Variants in NRG3 observed in about 807,000 individuals in gnomAD.
NRG3 encodes the protein pro-neuregulin-3, membrane-bound isoform.
A neutral mutation model predicts 66.9 loss-of-function variants in NRG3; 31 were observed. The ratio of observed to expected loss-of-function variants is 0.46; its 90% CI spans 0.35 to 0.63. The LOEUF (loss-of-function observed/expected upper bound fraction) is 0.63, where lower values mean the gene tolerates loss of function less well. NRG3 is among the 20% of genes least tolerant of loss of function. The probability of loss-of-function intolerance (pLI) is 0.00; values close to 1 mark genes in which losing one functional copy is unlikely to be tolerated. For missense variants in NRG3, 910 were observed against 878.9 expected, an observed-to-expected ratio of 1.04 and a Z score of -0.45; for synonymous variants, 393 against 359.4, an observed-to-expected ratio of 1.09 and a Z score of -1.06.
intron 1 of NRG3, among the ~76,000 whole-genome samples, chr10:82,122,948 C>A (rs559346010): frequency 1.3e-5 from 2 of 152,032 alleles, no homozygotes; most frequent in South Asian, 4.1e-4. Context: ...CTCTGTGTTA[C>A]CTGCTCAGAT....
chr10:82,610,778 G>T (rs1240755028), intron 2 of NRG3, among the ~76,000 whole-genome samples: 4 of 152,150 alleles, frequency 2.6e-5, no homozygotes, highest in African/African-American at 9.7e-5. Flanking sequence ...GTATGACTTT[G>T]ATCTGAATGT....
At chr10:82,100,636 G>T (rs1283151019) in intron 1 of NRG3, among the ~76,000 whole-genome samples, 1 of 151,994 alleles carries the variant, frequency 6.6e-6, no homozygotes, top group East Asian at 1.9e-4. Flanking sequence ...ATATGGTCCT[G>T]ATTTAACTTA....
At chr10:82,970,085 A>G (rs1851587238) in intron 6 of NRG3, among the ~76,000 whole-genome samples, 1 of 151,808 alleles carries the variant, frequency 6.6e-6, no homozygotes. Flanking sequence ...CCGTTTCGTT[A>G]TGGACAATTG....
chr10:82,589,585 C>A (rs1295802949), intron 2 of NRG3, among the ~76,000 whole-genome samples: 5 of 152,060 alleles, frequency 3.3e-5, no homozygotes, highest in African/African-American at 1.2e-4. Context: ...GTTAAGGGAA[C>A]TTTCTACTAA....
At chr10:82,161,156 G>T (rs1293282260) in intron 1 of NRG3, among the ~76,000 whole-genome samples, 1 of 152,036 alleles carries the variant, frequency 6.6e-6, no homozygotes, top group Admixed American at 6.6e-5. Context: ...GAATTCAGGT[G>T]GGGATGTCAA....
At chr10:82,267,639 C>T (rs1036499198) in intron 1 of NRG3, among the ~76,000 whole-genome samples, 5 of 152,184 alleles carry the variant, frequency 3.3e-5, no homozygotes, top group South Asian at 2.1e-4. Context: ...GCTTGTCAAT[C>T]CAGAAATAAA....
At chr10:82,344,348 AT>A (rs1309217658) in intron 1 of NRG3, among the ~76,000 whole-genome samples, 1 of 151,508 alleles carries the variant, frequency 6.6e-6, no homozygotes, top group Non-Finnish European at 1.5e-5. Flanking sequence ...TTTACTGAGA[AT>A]GATGATTTCC....
intron 2 of NRG3, among the ~76,000 whole-genome samples, chr10:82,505,267 C>A (rs75375298): frequency 5.9e-5 from 9 of 152,218 alleles, no homozygotes; most frequent in South Asian, 4.1e-4. Flanking sequence ...TAGCTGTTCA[C>A]TGATGTGCCA....
At chr10:82,045,286 G>T (rs1474972435) in intron 1 of NRG3, among the ~76,000 whole-genome samples, 1 of 33,818 alleles carries the variant, frequency 3.0e-5, no homozygotes, top group African/African-American at 4.7e-5. Flanking sequence ...GTATATCACT[G>T]TGGTTTTGAT....
intron 1 of NRG3, among the ~76,000 whole-genome samples, chr10:82,320,649 C>A (rs902864966): frequency 6.6e-6 from 1 of 152,038 alleles, no homozygotes; most frequent in African/African-American, 2.4e-5. Flanking sequence ...TGTACACTAG[C>A]CAGAAACAGG....
intron 1 of NRG3, among the ~76,000 whole-genome samples, chr10:82,104,225 A>G (rs2066929672): frequency 6.6e-6 from 1 of 152,136 alleles, no homozygotes; most frequent in Non-Finnish European, 1.5e-5. Context: ...GGCTTATAGC[A>G]TTTTGGCCAC....
chr10:82,018,354 G>T (rs1426393332), intron 1 of NRG3, among the ~76,000 whole-genome samples: 1 of 152,270 alleles, frequency 6.6e-6, no homozygotes, highest in Non-Finnish European at 1.5e-5. Flanking sequence ...AGTATAGTTT[G>T]AAGTCAGGTA....
chr10:82,960,611 C>A (rs1371629382), intron 6 of NRG3, among the ~76,000 whole-genome samples: 2 of 152,014 alleles, frequency 1.3e-5, no homozygotes, highest in Non-Finnish European at 2.9e-5. Context: ...TCCAGATGGC[C>A]GGTTCCTGCC....
chr10:82,979,928 A>G (rs1445763327), intron 8 of NRG3, among the ~76,000 whole-genome samples: 1 of 152,144 alleles, frequency 6.6e-6, no homozygotes, highest in Admixed American at 6.6e-5. Context: ...AATAGACCAG[A>G]CGCACTGCCT....
chr10:82,873,733 C>G (rs1841552514), intron 4 of NRG3, among the ~76,000 whole-genome samples: 1 of 152,102 alleles, frequency 6.6e-6, no homozygotes, highest in Admixed American at 6.6e-5. Context: ...AATGTATTAG[C>G]AAGGGACAAG....
intron 1 of NRG3, among the ~76,000 whole-genome samples, chr10:82,327,910 C>A (rs1400777217): frequency 6.6e-6 from 1 of 152,178 alleles, no homozygotes; most frequent in African/African-American, 2.4e-5. Context: ...CATAGCAATT[C>A]TCTATCCACA....
At chr10:82,672,271 G>A (rs1361612817) in intron 2 of NRG3, among the ~76,000 whole-genome samples, 1 of 152,186 alleles carries the variant, frequency 6.6e-6, no homozygotes, top group Non-Finnish European at 1.5e-5. Context: ...GCCATGAGGA[G>A]AATGGAGGAC....
At chr10:82,220,223 G>C (rs1047163826) in intron 1 of NRG3, among the ~76,000 whole-genome samples, 4 of 151,950 alleles carry the variant, frequency 2.6e-5, no homozygotes, top group African/African-American at 9.6e-5. Context: ...TATCTGCTGA[G>C]GGCCTTTGAA....
At chr10:82,872,866 G>A (rs1234573437) in intron 4 of NRG3, among the ~76,000 whole-genome samples, 2 of 152,018 alleles carry the variant, frequency 1.3e-5, no homozygotes, top group East Asian at 1.9e-4. Context: ...AATCTATACC[G>A]GCCCCATATT....
Sources: allele counts gnomAD v4.1 joint callset (sites outside exome capture counted in the v4.1 genomes callset), GRCh38; gene constraint gnomAD v4.1.1; transcripts MANE v1.5; gene names NCBI Gene and HGNC (gene_info 2026-07-23, HGNC 2026-07-21).